Variants in ALMS1 observed in about 807,000 individuals in gnomAD.
The protein encoded by ALMS1 is centrosome-associated protein ALMS1.
In ALMS1, 271 loss-of-function variants were observed where a neutral mutation model predicts 352.2. That is an observed-to-expected ratio of 0.77 (90% CI 0.70 to 0.85). The LOEUF (loss-of-function observed/expected upper bound fraction) is 0.85. ALMS1 is among the 40% of genes least tolerant of loss of function. The pLI is 0.00. For synonymous variants in ALMS1, 1,865 were observed against 1,761.2 expected, an observed-to-expected ratio of 1.06 and a Z score of -1.48; for missense variants, 5,445 against 4,870.7, an observed-to-expected ratio of 1.12 and a Z score of -3.51.
chr2:73,549,307 T>C (rs751762744), intron 12 of ALMS1, among the ~76,000 whole-genome samples: 1 of 152,240 alleles, frequency 6.6e-6, no homozygotes, highest in Non-Finnish European at 1.5e-5. Flanking sequence ...TCTGTCATTT[T>C]CCATTCAGTG....
Position 73,491,253 on chromosome 2 carries a change from C to T in ALMS1, c.9294C>T (p.Thr3098=), listed in dbSNP as rs1377588003. ...TATCTTCGAGATCACTGGAACCAAC[C>T]TCCAAATTATTGACCAGTAAACCTG... ...HTVSSRSLEP[T]SKLLTSKPVA... Residue 3098 remains threonine (T), a synonymous_variant, in exon 10 of 23, where the codon ACC becomes ACT. Transcript: ENST00000613296. The T allele has an allele frequency of 6.2e-7, 1 of 1,613,934 alleles. No individual in the cohort carries two copies. The highest frequency in any genetic ancestry group is 1.1e-5 in the South Asian group (1 of 91,046).
In ALMS1 at chr2:73,519,997, T is replaced by C. The variant is rs767726645; in HGVS notation, c.9762T>C (p.Thr3254=). ...CATCATCTTCAGTCCAACAGGTTAC[T>C]TTTTCTCGCGGCACAGATGGTAAGA... is the stretch of plus-strand genomic sequence containing the variant. The part of the protein sequence containing the change: ...FASSSSVQQV[T]FSRGTDGQPL... Residue 3254 remains threonine, a synonymous_variant, in exon 11 of 23, where the codon ACT becomes ACC. Transcript: ENST00000613296. 6.2e-7 allele frequency: 1 copy of C among 1,614,122 alleles called. No homozygotes were observed. The highest frequency in any genetic ancestry group is 1.7e-5 in the Admixed American group (1 of 60,024).
rs781344338 is a variant in ALMS1, at chr2:73,572,850, G to A, written c.10973G>A (p.Arg3658Gln). The A allele has an allele frequency of 3.5e-5, 57 of 1,613,952 alleles. No individual in the cohort carries two copies. The South Asian group carries it at 3.8e-4, about 11-fold the overall frequency. ...ESTHDDSRGE[R>Q]SVKEWSGRQQ... is the part of the protein sequence containing the mutation. ...ACACATGATGATAGCAGAGGGGAAC[G>A]AAGTGTGAAGGAATGGAGTGGTAGA... is the stretch of plus-strand genomic sequence containing the variant. The change falls in exon 16 of 23, where the codon CGA becomes CAA. Residue 3658 changes from arginine to glutamine, a missense_variant. Arg to Gln is a conservative substitution (Grantham distance 43). Transcript: ENST00000613296.
intron 10 of ALMS1, among the ~76,000 whole-genome samples, chr2:73,512,300 G>A (rs556696101): frequency 6.6e-6 from 1 of 151,900 alleles, no homozygotes; most frequent in Non-Finnish European, 1.5e-5. Context: ...GGTGAGGCTG[G>A]TCTTGAACTC....
intron 9 of ALMS1, among the ~76,000 whole-genome samples, chr2:73,482,953 T>C (rs1212721996): frequency 3.9e-5 from 6 of 152,266 alleles, no homozygotes; most frequent in Non-Finnish European, 8.8e-5. Context: ...ATTGTGTCTA[T>C]TTGATTCTTC....
chr2:73,601,588 G>A (rs1314872952), intron 19 of ALMS1, 152 bp downstream of exon 19: 3 of 1,290,960 alleles, frequency 2.3e-6, no homozygotes, highest in East Asian at 5.1e-5. Flanking sequence ...CACGCACGAG[G>A]GTTGGGTTTC....
rs575799510 is a variant in ALMS1, at chr2:73,480,210, A to G, written c.7675-9424A>G. On this transcript the variant is annotated intron_variant, in intron 9 of 22. Transcript: ENST00000613296. ...CATCTAGCATTAGGTATATCTCCTAATGCTATCCGTCCCCACTCCCCCCAC... is the reference window on the plus strand; with the variant it reads ...CATCTAGCATTAGGTATATCTCCTAGTGCTATCCGTCCCCACTCCCCCCAC... Among the ~76,000 whole-genome samples, 144 of 152,020 alleles carry G rather than the reference A, an allele frequency of 9.5e-4. 1 individual carries two copies. The highest frequency in any genetic ancestry group is 6.9e-3 in the South Asian group (33 of 4,798).
intron 1 of ALMS1, among the ~76,000 whole-genome samples, chr2:73,390,796 C>A (rs1258770750): frequency 6.9e-6 from 1 of 145,500 alleles, no homozygotes; most frequent in African/African-American, 2.8e-5. Context: ...AAGATGGAGT[C>A]TCTCGCTTTT....
At chr2:73,588,550 T>A (rs760801938) in intron 16 of ALMS1, among the ~76,000 whole-genome samples, 1 of 152,248 alleles carries the variant, frequency 6.6e-6, no homozygotes, top group East Asian at 1.9e-4. Context: ...TCTGCAGTTC[T>A]GTTTCTTGGT....
intron 1 of ALMS1, among the ~76,000 whole-genome samples, chr2:73,390,533 T>C (rs1463306723): frequency 6.6e-6 from 1 of 152,220 alleles, no homozygotes; most frequent in African/African-American, 2.4e-5. Context: ...ACTGTTTAAA[T>C]TTGAAGCAAA....
intron 9 of ALMS1, among the ~76,000 whole-genome samples, chr2:73,478,618 C>T: frequency 1.0e-5 from 1 of 98,894 alleles, no homozygotes; most frequent in South Asian, 4.1e-4. Flanking sequence ...TTTTTATCAG[C>T]TAATGACGAA....
intron 1 of ALMS1, among the ~76,000 whole-genome samples, chr2:73,407,326 G>A (rs1237228078): frequency 6.6e-6 from 1 of 152,160 alleles, no homozygotes; most frequent in Non-Finnish European, 1.5e-5. Flanking sequence ...CCAGATCCCT[G>A]ATGACCCAGT....
chr2:73,549,511 A>G (rs961344460), intron 12 of ALMS1, among the ~76,000 whole-genome samples: 1 of 152,198 alleles, frequency 6.6e-6, no homozygotes, highest in Non-Finnish European at 1.5e-5. Flanking sequence ...TCCTTAATGT[A>G]TTCTGCAATC....
chr2:73,573,754 G>T (rs201087849), intron 16 of ALMS1, among the ~76,000 whole-genome samples: 2 of 147,388 alleles, frequency 1.4e-5, no homozygotes, highest in South Asian at 2.1e-4. Flanking sequence ...GTTTATTTGG[G>T]TTTTTTTTTT....
At chr2:73,570,380 C>A (rs10185080) in intron 15 of ALMS1, among the ~76,000 whole-genome samples, 46,028 of 152,022 alleles carry the variant, frequency 0.3, 8,547 homozygotes, top group African/African-American at 0.53. Flanking sequence ...AGAATATAGA[C>A]TGAGAACATT....
At chr2:73,598,390 A>C (rs530731297) in intron 16 of ALMS1, among the ~76,000 whole-genome samples, 1 of 152,254 alleles carries the variant, frequency 6.6e-6, no homozygotes, top group South Asian at 2.1e-4. Flanking sequence ...TTCGTGATGC[A>C]TCCTAAATTT....
chr2:73,424,564 T>G lies in ALMS1; in HGVS notation c.899T>G (p.Leu300Arg), dbSNP rs1350381384. ...CGCTTTAGTGTATCTCAGCACCCGCTTATAGGCAGCACAGCTGTTGGGTCT... is the reference window on the plus strand; with the variant it reads ...CGCTTTAGTGTATCTCAGCACCCGCGTATAGGCAGCACAGCTGTTGGGTCT... Reference protein sequence around the residue: ...SSRFSVSQHPLIGSTAVGSQC... With the variant: ...SSRFSVSQHPRIGSTAVGSQC... The change falls in exon 5 of 23, where the codon CTT becomes CGT. Residue 300 changes from leucine (L) to arginine (R), a missense_variant. Physicochemically the swap from Leu to Arg is moderately radical, Grantham distance 102. Transcript: ENST00000613296. The G allele has an allele frequency of 3.1e-6, 5 of 1,613,882 alleles. No homozygotes were observed. The highest frequency in any genetic ancestry group is 2.2e-5 in the East Asian group (1 of 44,874).
At chr2:73,561,178 T>G (rs1043105675) in intron 15 of ALMS1, among the ~76,000 whole-genome samples, 2 of 152,258 alleles carry the variant, frequency 1.3e-5, no homozygotes, top group African/African-American at 2.4e-5. Flanking sequence ...TAACCTTCAC[T>G]ATGGTGCCCA....
rs996928009 is a variant in ALMS1 at position 73,571,310 on chromosome 2, A to G, written c.10385-952A>G. On this transcript the variant is annotated intron_variant, in intron 15 of 22. Coordinates refer to ENST00000613296, the MANE Select transcript of ALMS1 (RefSeq NM_001378454.1). ...TGTAGAACTCTAAAACAGTGTTTTGATGTCATATCAGAGATTAGAATTAGG... is the reference window on the plus strand; with the variant it reads ...TGTAGAACTCTAAAACAGTGTTTTGGTGTCATATCAGAGATTAGAATTAGG... 3.3e-5 allele frequency among the ~76,000 whole-genome samples: 5 copies of G among 152,332 alleles called. No individual in the cohort carries two copies. The South Asian group carries it at 1.0e-3, about 32-fold the overall frequency.
Sources: gnomAD v4.1 joint callset for allele counts (sites outside exome capture counted in the v4.1 genomes callset) on GRCh38, gnomAD v4.1.1 for gene constraint, MANE v1.5 for transcripts, NCBI Gene and HGNC (gene_info 2026-07-23, HGNC 2026-07-21) for gene names.